RFTN2: variants seen among roughly 807,000 people sequenced by gnomAD.
The protein encoded by RFTN2 is raftlin family member 2.
Under a neutral mutation model 52.7 loss-of-function variants are expected in RFTN2, and 34 were observed. That is an observed-to-expected ratio of 0.64 (90% CI 0.49 to 0.86). The LOEUF is 0.86. Among genes scored for constraint, RFTN2 ranks in the 40% least tolerant of loss-of-function variants. RFTN2 has a pLI of 0.00. For synonymous variants in RFTN2, 203 were observed against 217.7 expected, an observed-to-expected ratio of 0.93 and a Z score of 0.59; for missense variants, 536 against 600.1, an observed-to-expected ratio of 0.89 and a Z score of 1.12.
At chr2:197,591,257 G>T (rs765794691) in intron 8 of RFTN2, among the ~76,000 whole-genome samples, 7 of 152,100 alleles carry the variant, frequency 4.6e-5, no homozygotes, top group Non-Finnish European at 4.4e-5. Flanking sequence ...GTGCCGATTG[G>T]TGTATTCACA....
In RFTN2 at chr2:197,570,434, CA is replaced by C. The variant is rs1436884565; in HGVS notation, c.*1573del. The C allele has an allele frequency of 3.3e-5, 5 of 152,030 alleles. No individual in the cohort carries two copies. Among genetic ancestry groups the C allele is most frequent in the Non-Finnish European group, 7.4e-5 (5 of 68,024 alleles). 9.4% of individuals were successfully genotyped at this position (152,030 alleles called of 1,614,324 possible). ...ATACATATCTGTTATATGTATAAAA[CA>C]TATTATATGAAGGCCAGGCATGGTG... is the stretch of plus-strand genomic sequence containing the variant. On this transcript the variant is annotated 3_prime_UTR_variant, in exon 9 of 9. Transcript: ENST00000295049.
At chr2:197,594,892 AG>A (rs2087772613) in intron 8 of RFTN2, among the ~76,000 whole-genome samples, 8 of 152,376 alleles carry the variant, frequency 5.3e-5, no homozygotes, top group African/African-American at 1.9e-4. Context: ...GCTCTTTGAT[AG>A]TTTAGATAAC....
rs1274308435 is a variant in RFTN2 at position 197,615,984 on chromosome 2, A to T, written c.1051-5T>A. The T allele has an allele frequency of 6.6e-7, 1 of 1,519,298 alleles. No individual in the cohort carries two copies. The highest frequency in any genetic ancestry group is 9.0e-7 in the Non-Finnish European group (1 of 1,116,954). 94.1% of individuals were successfully genotyped at this position (1,519,298 alleles called of 1,614,324 possible). On this transcript the variant is annotated splice_region_variant and splice_polypyrimidine_tract_variant and intron_variant, in intron 6 of 8. Coordinates refer to ENST00000295049, the MANE Select transcript of RFTN2 (RefSeq NM_144629.3). ...ATCTGTTTTGATTTCACATCCCTGC[A>T]TGAATAAGTATAAGAGCTCATAGTC...
chr2:197,637,276 C>T (rs1177425264), intron 3 of RFTN2, among the ~76,000 whole-genome samples: 9 of 152,094 alleles, frequency 5.9e-5, no homozygotes, highest in Admixed American at 5.2e-4. Flanking sequence ...GGGAGGATTC[C>T]CTCTTTTTCT....
At position 197,583,022 on chromosome 2, in the gene RFTN2, C is replaced by G. The variant is rs542120693; in HGVS notation, c.1234-10742G>C. ...ATGGTTCTTAGACCAAGGAAAATAT[C>G]TCCTTCCAGCCTCACAGGTCCATTC... On this transcript the variant is annotated intron_variant, in intron 8 of 8. Transcript: ENST00000295049. Among the ~76,000 whole-genome samples the G allele has an allele frequency of 3.3e-5, 5 of 152,326 alleles. No individual in the cohort carries two copies. In the South Asian group the frequency reaches 1.0e-3, roughly 32 times the overall value.
intron 8 of RFTN2, among the ~76,000 whole-genome samples, chr2:197,583,338 G>A (rs537620006): frequency 6.6e-6 from 1 of 152,184 alleles, no homozygotes; most frequent in Admixed American, 6.5e-5. Flanking sequence ...TGAACTGGAT[G>A]GGTAGAGGTC....
intron 8 of RFTN2, among the ~76,000 whole-genome samples, chr2:197,584,196 C>G (rs753449332): frequency 6.6e-6 from 1 of 152,166 alleles, no homozygotes; most frequent in Admixed American, 6.5e-5. Context: ...CCTGAGGAAT[C>G]GCCACACTGT....
At chr2:197,653,579 G>A (rs950912176) in intron 1 of RFTN2, among the ~76,000 whole-genome samples, 2 of 151,930 alleles carry the variant, frequency 1.3e-5, no homozygotes, top group Non-Finnish European at 2.9e-5. Flanking sequence ...AACAATAGAG[G>A]TGAAAGAGAT....
intron 3 of RFTN2, 34 bp downstream of exon 3, chr2:197,644,124 C>T: frequency 1.7e-6 from 2 of 1,154,348 alleles, no homozygotes; most frequent in Non-Finnish European, 2.6e-6. Flanking sequence ...AAATGTTTGT[C>T]AATATCCCAT....
At chr2:197,601,461 A>G (rs998083656) in intron 7 of RFTN2, among the ~76,000 whole-genome samples, 1 of 152,114 alleles carries the variant, frequency 6.6e-6, no homozygotes. Context: ...CAGAGCAGAC[A>G]TTTTCTCTAT....
chr2:197,612,411 C>T (rs1445286565), intron 7 of RFTN2, among the ~76,000 whole-genome samples: 1 of 152,166 alleles, frequency 6.6e-6, no homozygotes, highest in Non-Finnish European at 1.5e-5. Flanking sequence ...AGAGGGGAGC[C>T]ATGCTGCTGT....
chr2:197,638,830 A>C lies in RFTN2; in HGVS notation c.439-4833T>G, dbSNP rs1205456370. On this transcript the variant is annotated intron_variant, in intron 3 of 8. Coordinates refer to ENST00000295049, the MANE Select transcript of RFTN2 (RefSeq NM_144629.3). ...TCGTTAGTTGATGCAGTTTCTTCCTAGTCTCGATGGTCTTTACATTTTGGC... is the reference window on the plus strand; with the variant it reads ...TCGTTAGTTGATGCAGTTTCTTCCTCGTCTCGATGGTCTTTACATTTTGGC... 4.3e-5 allele frequency among the ~76,000 whole-genome samples: 6 copies of C among 138,322 alleles called. No individual in the cohort carries two copies. The East Asian group carries it at 1.1e-3, about 25-fold the overall frequency. The allele number at this position is 138,322 out of a possible 152,430, so 90.7% of individuals were successfully genotyped here.
chr2:197,631,843 A>G (rs571241438), intron 4 of RFTN2, among the ~76,000 whole-genome samples: 1 of 152,280 alleles, frequency 6.6e-6, no homozygotes, highest in East Asian at 1.9e-4. Context: ...GGGTCAGTGG[A>G]TCCACACCTA....
At chr2:197,628,632 G>C (rs1425569413) in intron 5 of RFTN2, among the ~76,000 whole-genome samples, 1 of 152,192 alleles carries the variant, frequency 6.6e-6, no homozygotes, top group Admixed American at 6.5e-5. Flanking sequence ...GAGAAAGAGA[G>C]AGAGAGAGAG....
intron 8 of RFTN2, among the ~76,000 whole-genome samples, chr2:197,581,860 A>G (rs2087516129): frequency 6.6e-6 from 1 of 152,024 alleles, no homozygotes; most frequent in Non-Finnish European, 1.5e-5. Flanking sequence ...TCCTAACAAA[A>G]CCATTATATA....
At chr2:197,580,020 A>G (rs1047066525) in intron 8 of RFTN2, among the ~76,000 whole-genome samples, 11 of 152,154 alleles carry the variant, frequency 7.2e-5, no homozygotes, top group African/African-American at 2.4e-4. Flanking sequence ...ATTAGCGTTT[A>G]GGCTCTTTTT....
intron 8 of RFTN2, among the ~76,000 whole-genome samples, chr2:197,581,825 C>T (rs985791744): frequency 9.9e-5 from 15 of 152,186 alleles, no homozygotes; most frequent in African/African-American, 2.4e-4. Flanking sequence ...TGGATACTTT[C>T]GCCTTTGGAT....
In RFTN2 at chr2:197,675,511, TTC is replaced by T. The variant is rs1476149771; in HGVS notation, c.-55_-54del. ...AGGAAAGGGGAGGGAGAGCAGCAAA[TTC>T]TGTTGTTTAAGCTGCAAAAAGAAAG... is the stretch of plus-strand genomic sequence containing the variant. On this transcript the variant is annotated 5_prime_UTR_variant, in exon 1 of 9. Coordinates refer to ENST00000295049, the MANE Select transcript of RFTN2 (RefSeq NM_144629.3). 8 of 1,370,538 alleles carry T rather than the reference TTC, an allele frequency of 5.8e-6. No homozygotes were observed. Among genetic ancestry groups the T allele is most frequent in the Non-Finnish European group, 6.7e-6 (7 of 1,039,814 alleles). The allele number at this position is 1,370,538 out of a possible 1,614,324, so 84.9% of individuals were successfully genotyped here.
intron 1 of RFTN2, among the ~76,000 whole-genome samples, chr2:197,672,997 A>G (rs1180504089): frequency 3.9e-5 from 6 of 152,218 alleles, no homozygotes; most frequent in Admixed American, 3.3e-4. Flanking sequence ...TATAACCACC[A>G]TAATGCAGGA....
Sources: gnomAD v4.1 joint callset for allele counts (sites outside exome capture counted in the v4.1 genomes callset) on GRCh38, gnomAD v4.1.1 for gene constraint, MANE v1.5 for transcripts, NCBI Gene and HGNC (gene_info 2026-07-23, HGNC 2026-07-21) for gene names.